OTOGL: variants seen among roughly 807,000 people sequenced by gnomAD.
OTOGL encodes otogelin-like protein.
OTOGL carries 285 observed loss-of-function variants against 318.5 expected under a neutral mutation model. The ratio of observed to expected loss-of-function variants is 0.89; its 90% CI spans 0.81 to 0.99. The LOEUF is 0.99. Among genes scored for constraint, OTOGL ranks in the 50% least tolerant of loss-of-function variants. The pLI is 0.00. For missense variants in OTOGL, 2,899 were observed against 2,845.6 expected (o/e 1.02, Z -0.43); for synonymous variants, 987 against 936.5 (o/e 1.05, Z -0.99).
intron 1 of OTOGL, among the ~76,000 whole-genome samples, chr12:80,137,327 T>C (rs1871642718): frequency 1.3e-5 from 2 of 152,284 alleles, no homozygotes; most frequent in South Asian, 4.1e-4. Flanking sequence ...TCTAGTTGTC[T>C]AAACTTCTGG....
chr12:80,290,016 G>A (rs574395721), intron 26 of OTOGL, among the ~76,000 whole-genome samples: 1 of 152,328 alleles, frequency 6.6e-6, no homozygotes, highest in East Asian at 1.9e-4. Context: ...GAAACCTGGG[G>A]CCCTGGTGTC....
intron 1 of OTOGL, among the ~76,000 whole-genome samples, chr12:80,167,259 T>A (rs1873886941): frequency 6.6e-6 from 1 of 151,604 alleles, no homozygotes; most frequent in Non-Finnish European, 1.5e-5. Flanking sequence ...TCCGTGGGAG[T>A]GGTGGGGAGG....
chr12:80,107,572 C>T (rs980215511), intron 1 of OTOGL, among the ~76,000 whole-genome samples: 3 of 152,074 alleles, frequency 2.0e-5, no homozygotes, highest in South Asian at 2.1e-4. Flanking sequence ...ACAGAATTAC[C>T]GTTCGACCTA....
At chr12:80,252,307 A>G in intron 13 of OTOGL, 106 bp downstream of exon 13, 4 of 1,222,096 alleles carry the variant, frequency 3.3e-6, no homozygotes, top group Non-Finnish European at 4.3e-6. Flanking sequence ...CATTGGACCT[A>G]TTGCAATTTT....
At chr12:80,217,027 C>T (rs1176309497) in intron 4 of OTOGL, among the ~76,000 whole-genome samples, 1 of 152,092 alleles carries the variant, frequency 6.6e-6, no homozygotes, top group African/African-American at 2.4e-5. Context: ...TCTTTGGAGC[C>T]TGAAGGTGAC....
intron 1 of OTOGL, among the ~76,000 whole-genome samples, chr12:80,204,348 T>A (rs926801592): frequency 6.6e-6 from 1 of 152,194 alleles, no homozygotes. Context: ...TTGTCATAAA[T>A]CAGATTGCCA....
intron 56 of OTOGL, among the ~76,000 whole-genome samples, chr12:80,371,634 A>G (rs1890880603): frequency 6.6e-6 from 1 of 152,180 alleles, no homozygotes; most frequent in African/African-American, 2.4e-5. Context: ...ACATTCAGTT[A>G]TATTCAGAAA....
chr12:80,181,629 G>T (rs940187051), intron 1 of OTOGL, among the ~76,000 whole-genome samples: 1 of 149,694 alleles, frequency 6.7e-6, no homozygotes, highest in African/African-American at 2.5e-5. Flanking sequence ...TGAGGATCAA[G>T]ATTTTTTTTT....
chr12:80,369,505 C>T (rs948749854), intron 55 of OTOGL, among the ~76,000 whole-genome samples: 2 of 152,038 alleles, frequency 1.3e-5, no homozygotes, highest in Non-Finnish European at 2.9e-5. Context: ...AAAGTGTCAA[C>T]ATCCTGATTC....
intron 1 of OTOGL, among the ~76,000 whole-genome samples, chr12:80,133,993 T>TA (rs528738288): frequency 6.8e-5 from 10 of 146,148 alleles, no homozygotes; most frequent in Admixed American, 1.4e-4. Flanking sequence ...AAAGCTAAAA[T>TA]AAAAAAAAAA....
intron 4 of OTOGL, among the ~76,000 whole-genome samples, chr12:80,215,705 A>T (rs1877651947): frequency 6.6e-6 from 1 of 152,192 alleles, no homozygotes; most frequent in Non-Finnish European, 1.5e-5. Flanking sequence ...CTTCCATTAA[A>T]GGGATAGACA....
At chr12:80,368,179 C>T (rs1414788915) in intron 54 of OTOGL, 26 bp from the exon 55 acceptor site, 24 of 1,451,750 alleles carry the variant, frequency 1.7e-5, no homozygotes, top group Admixed American at 3.8e-5. Context: ...GATATGGTGT[C>T]GCTAATCTAA....
chr12:80,311,982 G>A (rs888747018), intron 30 of OTOGL, among the ~76,000 whole-genome samples: 1 of 152,080 alleles, frequency 6.6e-6, no homozygotes, highest in African/African-American at 2.4e-5. Context: ...CATGACCAAT[G>A]CATGATGTTA....
Position 80,262,663 on chromosome 12 carries a change from C to T in OTOGL, c.2014+570C>T, listed in dbSNP as rs11114376. Among the ~76,000 whole-genome samples the T allele has an allele frequency of 9.9e-5, 15 of 152,182 alleles. No individual in the cohort carries two copies. The East Asian group carries it at 2.7e-3, about 27-fold the overall frequency. ...CAACTCACATGCTAAGAATTTTTGGCTGCATTTTTTAAAACTAAAGCCCCA... is the reference window on the plus strand; with the variant it reads ...CAACTCACATGCTAAGAATTTTTGGTTGCATTTTTTAAAACTAAAGCCCCA... On this transcript the variant is annotated intron_variant, in intron 19 of 58. Transcript: ENST00000547103.
Position 80,196,323 on chromosome 12 carries a change from A to G in OTOGL, c.-19-13090A>G, listed in dbSNP as rs114506063. On this transcript the variant is annotated intron_variant, in intron 1 of 58. Transcript: ENST00000547103. ...ACAGCCTTTCAACTATGCACCTTAC[A>G]TGACATCTATCATTGTTGATGTGAT... is the stretch of plus-strand genomic sequence containing the variant. Among the ~76,000 whole-genome samples, 836 of 152,338 alleles carry G rather than the reference A, an allele frequency of 5.5e-3. 10 individuals carry two copies. The highest frequency in any genetic ancestry group is 0.019 in the African/African-American group (794 of 41,574).
intron 11 of OTOGL, among the ~76,000 whole-genome samples, chr12:80,240,812 T>C (rs1485875562): frequency 1.3e-5 from 2 of 152,118 alleles, no homozygotes; most frequent in Non-Finnish European, 2.9e-5. Flanking sequence ...AAGCAACAAA[T>C]TTAGTGAGAC....
chr12:80,358,192 T>C, intron 49 of OTOGL, 56 bp from the exon 50 acceptor site: 1 of 1,141,336 alleles, frequency 8.8e-7, no homozygotes, highest in South Asian at 1.3e-5. Flanking sequence ...TAAACTCATA[T>C]TATAATTCAT....
intron 38 of OTOGL, among the ~76,000 whole-genome samples, chr12:80,334,479 T>C (rs1888272385): frequency 6.6e-6 from 1 of 152,000 alleles, no homozygotes; most frequent in African/African-American, 2.4e-5. Context: ...AGAAAAAATT[T>C]GGGAATTCTC....
intron 5 of OTOGL, among the ~76,000 whole-genome samples, chr12:80,219,521 CAG>C (rs1161599816): frequency 6.6e-6 from 1 of 152,204 alleles, no homozygotes; most frequent in Non-Finnish European, 1.5e-5. Flanking sequence ...TCATCTGGGA[CAG>C]AGATTCCTTA....
Sources: gnomAD v4.1 joint callset for allele counts (sites outside exome capture counted in the v4.1 genomes callset) on GRCh38, gnomAD v4.1.1 for gene constraint, MANE v1.5 for transcripts, NCBI Gene and HGNC (gene_info 2026-07-23, HGNC 2026-07-21) for gene names.